Variants in UNK observed in about 807,000 individuals in gnomAD.
UNK encodes RING finger protein unkempt homolog.
UNK carries 32 observed loss-of-function variants against 97.6 expected under a neutral mutation model. The ratio of observed to expected loss-of-function variants is 0.33; its 90% confidence interval spans 0.25 to 0.44. The LOEUF is 0.44. UNK is among the 20% of genes least tolerant of loss of function. The probability of loss-of-function intolerance (pLI) is 1.00; values close to 1 mark genes in which losing one functional copy is unlikely to be tolerated. For missense variants in UNK, 771 were observed against 1,098.4 expected (o/e 0.70, Z 4.21); for synonymous variants, 441 against 461.2 (o/e 0.96, Z 0.56).
Position 75,817,070 on chromosome 17 carries a change from C to T in UNK, c.1104+158C>T, listed in dbSNP as rs1291061432. 1.3e-5 allele frequency among the ~76,000 whole-genome samples: 2 copies of T among 152,242 alleles called. No homozygotes were observed. Among genetic ancestry groups the T allele is most frequent in the African/African-American group, 4.8e-5 (2 of 41,464 alleles). On this transcript the variant is annotated intron_variant, in intron 8 of 15. Transcript: ENST00000589666. The surrounding 1 kb of genome is among the most constrained non-coding windows in gnomAD (Gnocchi z 5.8). ...CATCTCAGCATTCTTCGTCAAAAGT[C>T]CAGGCCCGGGGGTGGGGTAGGGCAG...
intron 1 of UNK, among the ~76,000 whole-genome samples, chr17:75,807,572 C>T (rs903202754): frequency 5.9e-5 from 9 of 152,200 alleles, no homozygotes; most frequent in Non-Finnish European, 1.2e-4. Context: ...TCTACCTCAG[C>T]CTCCTGAGTA....
chr17:75,812,004 C>A, intron 2 of UNK, 108 bp from the exon 3 acceptor site: 1 of 1,347,558 alleles, frequency 7.4e-7, no homozygotes, highest in Non-Finnish European at 1.0e-6. Flanking sequence ...ACAAAACAAA[C>A]AAACAACAAC....
chr17:75,790,265 C>A (rs928826543), intron 1 of UNK, among the ~76,000 whole-genome samples: 2 of 152,006 alleles, frequency 1.3e-5, no homozygotes, highest in African/African-American at 4.8e-5. Context: ...CCACTGCCCT[C>A]CAGCCTGGAC....
chr17:75,805,443 C>A (rs2061903828), intron 1 of UNK, among the ~76,000 whole-genome samples: 1 of 149,122 alleles, frequency 6.7e-6, no homozygotes, highest in South Asian at 2.1e-4. Context: ...GGAATGTTAT[C>A]AGCATTTAGC....
chr17:75,824,246 G>A lies in UNK; in HGVS notation c.2278-16G>A. ...CAGACCCATGGATGGTGACCACGAT[G>A]CCCCTTTCCCTGCAGGCCGTGTTCC... On this transcript the variant is annotated splice_polypyrimidine_tract_variant and intron_variant, in intron 15 of 15. Coordinates refer to ENST00000589666, the MANE Select transcript of UNK (RefSeq NM_001080419.3). The surrounding 1 kb of genome is among the most constrained non-coding windows in gnomAD (Gnocchi z 4.9). 1 of 1,575,690 alleles carries A rather than the reference G, an allele frequency of 6.3e-7. No individual in the cohort carries two copies. Among genetic ancestry groups the A allele is most frequent in the Non-Finnish European group, 8.6e-7 (1 of 1,159,178 alleles).
At chr17:75,797,204 T>G (rs1053026629) in intron 1 of UNK, among the ~76,000 whole-genome samples, 1 of 152,224 alleles carries the variant, frequency 6.6e-6, no homozygotes, top group Non-Finnish European at 1.5e-5. Context: ...AGATCCTATA[T>G]TCATGTTAAA....
At chr17:75,808,459 A>G (rs964712477) in intron 1 of UNK, among the ~76,000 whole-genome samples, 2 of 151,710 alleles carry the variant, frequency 1.3e-5, no homozygotes, top group Admixed American at 1.3e-4. Flanking sequence ...TTCCTATTCC[A>G]CGCACATCCA....
chr17:75,824,635 A>G lies in UNK; in HGVS notation c.*218A>G. ...ACAGTGTCTGTGTGTATATCTGTAC[A>G]TAGATATAGACACACACTTTAAAAG... On this transcript the variant is annotated 3_prime_UTR_variant, in exon 16 of 16. Transcript: ENST00000589666. The surrounding 1 kb of genome is among the most constrained non-coding windows in gnomAD (Gnocchi z 4.9). The G allele has an allele frequency of 4.0e-6, 1 of 248,082 alleles. No homozygotes were observed. Among genetic ancestry groups the G allele is most frequent in the Non-Finnish European group, 7.2e-6 (1 of 139,172 alleles). The allele number at this position is 248,082 out of a possible 1,614,324, so 15.4% of individuals were successfully genotyped here. A position where few individuals can be genotyped will look rare whatever the true frequency, so the allele number is the denominator to read the frequency against.
At chr17:75,802,805 A>C (rs955541535) in intron 1 of UNK, among the ~76,000 whole-genome samples, 2 of 152,208 alleles carry the variant, frequency 1.3e-5, no homozygotes, top group African/African-American at 4.8e-5. Context: ...CAAAATGTTG[A>C]GGACATTAGG....
Position 75,819,308 on chromosome 17 carries a change from C to T in UNK, c.1547-376C>T, listed in dbSNP as rs1362979842. ...CACCCAGTGGACATTTGTCAAGCAC[C>T]TGCTATACACCAGCCACTGAGTGCC... On this transcript the variant is annotated intron_variant, in intron 11 of 15. Transcript: ENST00000589666. This position sits in a 1 kb window ranked among gnomAD's most constrained non-coding sequence, Gnocchi z 5.4. The T allele has an allele frequency of 3.2e-5, 9 of 282,490 alleles. No homozygotes were observed. The highest frequency in any genetic ancestry group is 6.6e-5 in the African/African-American group (3 of 45,202). 17.5% of individuals were successfully genotyped at this position (282,490 alleles called of 1,614,324 possible).
intron 1 of UNK, chr17:75,792,129 C>G: frequency 3.2e-6 from 3 of 950,232 alleles, no homozygotes; most frequent in Non-Finnish European, 3.8e-6. Context: ...CCTGCCAGAC[C>G]TTTACCTAAA....
intron 1 of UNK, among the ~76,000 whole-genome samples, chr17:75,797,422 A>AC (rs2061816094): frequency 6.6e-6 from 1 of 152,124 alleles, no homozygotes; most frequent in South Asian, 2.1e-4. Flanking sequence ...TTTAGTAGAG[A>AC]TGGGGTTTCC....
chr17:75,805,809 A>ATGTGTGT (rs1567800919), intron 1 of UNK, among the ~76,000 whole-genome samples: 44 of 96,532 alleles, frequency 4.6e-4, no homozygotes, highest in African/African-American at 2.6e-3. Context: ...TAAAAAGAAA[A>ATGTGTGT]ATGTGTGTGT....
chr17:75,821,065 C>T (rs868119094), intron 13 of UNK, among the ~76,000 whole-genome samples: 1,389 of 96,498 alleles, frequency 0.014, 13 homozygotes, highest in African/African-American at 0.042. Flanking sequence ...TTTTTTTTTT[C>T]GAGTAGGGTC....
In UNK at chr17:75,820,164, G is replaced by A. The variant is rs192685208; in HGVS notation, c.1837+56G>A. The A allele has an allele frequency of 1.8e-4, 275 of 1,544,958 alleles. 2 individuals carry two copies. The East Asian group carries it at 5.5e-3, about 31-fold the overall frequency. On this transcript the variant is annotated intron_variant, in intron 13 of 15. Transcript: ENST00000589666. ...CTGGGGCAGGAACCTGCGCCTTTAG[G>A]AGGTGCCTCTGGCCACCCCATCTAC...
intron 1 of UNK, among the ~76,000 whole-genome samples, chr17:75,805,721 T>C (rs1245689118): frequency 6.6e-6 from 1 of 150,734 alleles, no homozygotes; most frequent in African/African-American, 2.4e-5. Context: ...TCACTTGAGC[T>C]CAGGAGGTTA....
intron 1 of UNK, among the ~76,000 whole-genome samples, chr17:75,804,198 A>G (rs1440599010): frequency 6.6e-6 from 1 of 152,242 alleles, no homozygotes; most frequent in Non-Finnish European, 1.5e-5. Flanking sequence ...TTATGCCTAT[A>G]ATCCCAGCAC....
Position 75,819,131 on chromosome 17 carries a change from A to G in UNK, c.1546+315A>G, listed in dbSNP as rs2062043195. 1 of 311,250 alleles carries G rather than the reference A, an allele frequency of 3.2e-6. No individual in the cohort carries two copies. The highest frequency in any genetic ancestry group is 5.9e-6 in the Non-Finnish European group (1 of 170,220). 19.3% of individuals were successfully genotyped at this position (311,250 alleles called of 1,614,324 possible). ...TGGTGTCCTTGTGTAGTGAATGGCC[A>G]GCACGACGTTCTCAGAATCCCTGGT... On this transcript the variant is annotated intron_variant, in intron 11 of 15. Transcript: ENST00000589666. This position sits in a 1 kb window ranked among gnomAD's most constrained non-coding sequence, Gnocchi z 5.4.
At chr17:75,786,684 C>A (rs568905856) in intron 1 of UNK, among the ~76,000 whole-genome samples, 2 of 152,122 alleles carry the variant, frequency 1.3e-5, no homozygotes. Context: ...GGCAAAACCC[C>A]GTCTCTACTA....
Sources: gnomAD v4.1 joint callset for allele counts (sites outside exome capture counted in the v4.1 genomes callset) on GRCh38, gnomAD v4.1.1 for gene constraint, Gnocchi (gnomAD v3.1) non-coding constraint, MANE v1.5 for transcripts, NCBI Gene and HGNC (gene_info 2026-07-23, HGNC 2026-07-21) for gene names.